The following GRID2 variants were observed in gnomAD, a reference collection of about 807,000 sequenced individuals.
GRID2 encodes the protein glutamate receptor ionotropic, delta-2.
Under a neutral mutation model 114.8 loss-of-function variants are expected in GRID2, and 33 were observed. The observed-to-expected ratio is 0.29, with a 90% confidence interval of 0.22 to 0.38. GRID2 has a LOEUF of 0.38. Among genes scored for constraint, GRID2 ranks in the 10% least tolerant of loss-of-function variants. The pLI is 1.00. For missense variants in GRID2, 1,184 were observed against 1,257.7 expected, an observed-to-expected ratio of 0.94 and a Z score of 0.89; for synonymous variants, 505 against 449.9, an observed-to-expected ratio of 1.12 and a Z score of -1.55.
intron 2 of GRID2, among the ~76,000 whole-genome samples, chr4:92,856,074 T>C (rs1196354333): frequency 6.6e-6 from 1 of 152,080 alleles, no homozygotes; most frequent in Admixed American, 6.6e-5. Context: ...TGGAATTTTT[T>C]TCCAATTATC....
At chr4:92,587,098 CTGTGTGTGTGTGTG>C (rs70942914) in intron 1 of GRID2, among the ~76,000 whole-genome samples, 100 of 133,846 alleles carry the variant, frequency 7.5e-4, no homozygotes, top group South Asian at 2.6e-3. Context: ...TGATGAAATG[CTGTGTGTGTGTGTG>C]TGTGTGTGTG....
At chr4:93,778,428 G>A (rs368933692), downstream of GRID2, among the ~76,000 whole-genome samples, 4 of 119,144 alleles carry the variant, frequency 3.4e-5, no homozygotes, top group East Asian at 8.4e-4. Context: ...ACAGAGTCTC[G>A]CTCTGTCACC....
chr4:92,304,336 A>G lies in GRID2; in HGVS notation c.-321A>G. 1 of 371,182 alleles carries G rather than the reference A, an allele frequency of 2.7e-6. No homozygotes were observed. The highest frequency in any genetic ancestry group is 5.0e-6 in the Non-Finnish European group (1 of 201,448). The allele number at this position is 371,182 out of a possible 1,614,324, so 23.0% of individuals were successfully genotyped here. A position where few individuals can be genotyped will look rare whatever the true frequency, so the allele number is the denominator to read the frequency against. ...CCCGCGCAGCGATGGGTCTGATCTG[A>G]GCCCCAGCCTCTCCCCCTGCCCAAG... On this transcript the variant is annotated 5_prime_UTR_variant, in exon 1 of 16. It removes the in-frame stop codon of an upstream open reading frame in the 5' UTR. Transcript: ENST00000282020.
chr4:92,911,417 C>T (rs916388741), intron 2 of GRID2, among the ~76,000 whole-genome samples: 1 of 151,932 alleles, frequency 6.6e-6, no homozygotes. Flanking sequence ...ACCTGTGTAA[C>T]AAAAACACTT....
intron 11 of GRID2, among the ~76,000 whole-genome samples, chr4:93,472,723 GA>G (rs1167194306): frequency 6.6e-6 from 1 of 152,078 alleles, no homozygotes; most frequent in Non-Finnish European, 1.5e-5. Flanking sequence ...AAAGAAAATC[GA>G]CTTTATGTTA....
intron 1 of GRID2, among the ~76,000 whole-genome samples, chr4:92,544,442 C>T (rs1726137502): frequency 1.3e-5 from 2 of 152,216 alleles, no homozygotes; most frequent in Middle Eastern, 3.4e-3. Context: ...TCAGCTATGT[C>T]TTCAATGTGG....
At chr4:92,663,239 A>G (rs1732604347) in intron 2 of GRID2, among the ~76,000 whole-genome samples, 1 of 151,202 alleles carries the variant, frequency 6.6e-6, no homozygotes, top group African/African-American at 2.4e-5. Context: ...TAAATTAACC[A>G]TAATATTTAC....
chr4:93,030,674 C>G (rs1724330513), intron 2 of GRID2, among the ~76,000 whole-genome samples: 1 of 151,994 alleles, frequency 6.6e-6, no homozygotes, highest in African/African-American at 2.4e-5. Flanking sequence ...TGTGAGACAC[C>G]ACGCCCAGCT....
At chr4:92,466,514 CCATA>C (rs1348322135) in intron 1 of GRID2, among the ~76,000 whole-genome samples, 2 of 151,484 alleles carry the variant, frequency 1.3e-5, no homozygotes, top group Non-Finnish European at 3.0e-5. Context: ...CTCATGTACC[CCATA>C]CATACATACA....
chr4:92,603,902 T>TA (rs1018688373), intron 2 of GRID2, among the ~76,000 whole-genome samples: 10 of 150,808 alleles, frequency 6.6e-5, no homozygotes, highest in African/African-American at 1.5e-4. Context: ...AAAAATAAAA[T>TA]AAAAAAACAT....
At chr4:93,779,440 C>T (rs967808250), downstream of GRID2, among the ~76,000 whole-genome samples, 1 of 152,094 alleles carries the variant, frequency 6.6e-6, no homozygotes, top group African/African-American at 2.4e-5. Flanking sequence ...CTCTCATTTC[C>T]TCATGGTGGC....
chr4:92,560,653 C>G (rs1353155428), intron 1 of GRID2, among the ~76,000 whole-genome samples: 1 of 152,092 alleles, frequency 6.6e-6, no homozygotes, highest in Non-Finnish European at 1.5e-5. Context: ...ATTTATCTCA[C>G]TTATATCCTA....
intron 14 of GRID2, among the ~76,000 whole-genome samples, chr4:93,740,573 G>A (rs1474715106): frequency 6.6e-6 from 1 of 152,210 alleles, no homozygotes; most frequent in East Asian, 1.9e-4. Context: ...TGGAGTTGCT[G>A]TAGCGCCAGC....
chr4:93,499,722 A>G (rs1348411525), intron 12 of GRID2, among the ~76,000 whole-genome samples: 1 of 151,972 alleles, frequency 6.6e-6, no homozygotes, highest in East Asian at 1.9e-4. Flanking sequence ...AGTGCCTCTC[A>G]GAGTACCTAA....
chr4:92,569,781 T>C lies in GRID2; in HGVS notation c.89-20350T>C, dbSNP rs993294696. Reference sequence around the variant, plus strand: ...TGTATGCCTTCTTTTGAGAAGTGTCTGTTCATGTCCAATGCCCACTTTTTA... The same window carrying C: ...TGTATGCCTTCTTTTGAGAAGTGTCCGTTCATGTCCAATGCCCACTTTTTA... On this transcript the variant is annotated intron_variant, in intron 1 of 15. Transcript: ENST00000282020. 3.9e-5 allele frequency among the ~76,000 whole-genome samples: 6 copies of C among 152,270 alleles called. No individual in the cohort carries two copies. The East Asian group carries it at 1.2e-3, about 29-fold the overall frequency.
intron 1 of GRID2, among the ~76,000 whole-genome samples, chr4:92,553,629 A>T (rs1286125743): frequency 4.6e-5 from 7 of 151,194 alleles, no homozygotes. Context: ...TACCTCCCCA[A>T]CTTCCCAAAT....
intron 2 of GRID2, among the ~76,000 whole-genome samples, chr4:92,831,985 A>G (rs1225202719): frequency 2.0e-5 from 3 of 152,152 alleles, no homozygotes; most frequent in African/African-American, 7.2e-5. Flanking sequence ...TGCATAAAAG[A>G]CTGTTTCAGC....
intron 1 of GRID2, among the ~76,000 whole-genome samples, chr4:92,514,732 A>G (rs576868471): frequency 1.3e-5 from 2 of 151,898 alleles, no homozygotes; most frequent in African/African-American, 4.8e-5. Context: ...CACATAATAC[A>G]CATGTTAAAA....
At chr4:92,614,208 C>T (rs2149231846) in intron 2 of GRID2, among the ~76,000 whole-genome samples, 1 of 151,640 alleles carries the variant, frequency 6.6e-6, no homozygotes, top group East Asian at 1.9e-4. Context: ...GTTCCAGCTG[C>T]CAGCATCCTC....
Sources: gnomAD v4.1 joint callset for allele counts (sites outside exome capture counted in the v4.1 genomes callset) on GRCh38, gnomAD v4.1.1 for gene constraint, MANE v1.5 for transcripts, NCBI Gene and HGNC (gene_info 2026-07-23, HGNC 2026-07-21) for gene names.